The following CSMD1 variants were observed in gnomAD, a reference collection of about 807,000 sequenced individuals.
The protein encoded by CSMD1 is CUB and Sushi multiple domains 1, also known as CUB and sushi domain-containing protein 1.
In CSMD1, 213 loss-of-function variants were observed where a neutral mutation model predicts 417.5. The ratio of observed to expected loss-of-function variants is 0.51; its 90% confidence interval spans 0.46 to 0.57. CSMD1 has a LOEUF of 0.57. Ranked by LOEUF, CSMD1 falls within the 20% of genes least tolerant of loss-of-function variation. CSMD1 has a pLI of 0.00. For synonymous variants in CSMD1, 2,862 were observed against 1,736.8 expected (o/e 1.65, Z -16.11); for missense variants, 6,923 against 4,529.7 (o/e 1.53, Z -15.17).
At chr8:4,320,543 G>A (rs1052668061) in intron 3 of CSMD1, among the ~76,000 whole-genome samples, 2 of 151,652 alleles carry the variant, frequency 1.3e-5, no homozygotes, top group Admixed American at 6.6e-5. Flanking sequence ...AGTGGGTGAT[G>A]TTCCCCTCCC....
chr8:4,050,015 T>G (rs1404021636), intron 3 of CSMD1, among the ~76,000 whole-genome samples: 1 of 152,206 alleles, frequency 6.6e-6, no homozygotes, highest in East Asian at 1.9e-4. Context: ...CCTTGATGGT[T>G]TTCAGAAGTT....
intron 1 of CSMD1, among the ~76,000 whole-genome samples, chr8:4,853,648 C>T (rs1197888138): frequency 6.6e-6 from 1 of 152,218 alleles, no homozygotes; most frequent in Non-Finnish European, 1.5e-5. Context: ...AATGTCCCCA[C>T]TGGAACACTA....
intron 3 of CSMD1, among the ~76,000 whole-genome samples, chr8:4,198,177 G>T (rs192415525): frequency 2.6e-5 from 4 of 152,308 alleles, no homozygotes; most frequent in Admixed American, 2.0e-4. Context: ...ATGATCAGGG[G>T]AGTCATTCCA....
chr8:4,591,737 G>T (rs1162309704), intron 2 of CSMD1, among the ~76,000 whole-genome samples: 1 of 152,172 alleles, frequency 6.6e-6, no homozygotes, highest in Non-Finnish European at 1.5e-5. Flanking sequence ...TTAAAGCAGT[G>T]AAGTGAGGGG....
chr8:4,358,807 G>A (rs545928202), intron 3 of CSMD1, among the ~76,000 whole-genome samples: 1 of 152,082 alleles, frequency 6.6e-6, no homozygotes, highest in Admixed American at 6.6e-5. Context: ...GGGTAAACAA[G>A]TTATAAATCA....
chr8:3,835,448 C>G (rs60420112), intron 5 of CSMD1, among the ~76,000 whole-genome samples: 3 of 152,074 alleles, frequency 2.0e-5, no homozygotes, highest in South Asian at 4.2e-4. Flanking sequence ...AACCATCATT[C>G]TCAGCAAACT....
chr8:3,987,784 G>A (rs913745980), intron 5 of CSMD1, among the ~76,000 whole-genome samples: 5 of 152,188 alleles, frequency 3.3e-5, no homozygotes, highest in Admixed American at 6.5e-5. Context: ...CAGGCTCTGC[G>A]CCACGTCAAG....
chr8:3,731,978 G>C (rs941437147), intron 6 of CSMD1, among the ~76,000 whole-genome samples: 1 of 152,136 alleles, frequency 6.6e-6, no homozygotes, highest in Non-Finnish European at 1.5e-5. Flanking sequence ...GAACTCAGCA[G>C]ATATTTAAAG....
At chr8:3,712,526 C>A (rs1801586012) in intron 6 of CSMD1, among the ~76,000 whole-genome samples, 1 of 152,138 alleles carries the variant, frequency 6.6e-6, no homozygotes, top group Admixed American at 6.5e-5. Context: ...CCTCTTCTTT[C>A]TCCTGAATTA....
chr8:4,040,840 C>G (rs1182951488), intron 3 of CSMD1, among the ~76,000 whole-genome samples: 1 of 151,834 alleles, frequency 6.6e-6, no homozygotes, highest in Non-Finnish European at 1.5e-5. Flanking sequence ...CAGCTCCGGA[C>G]AATCGAAAAA....
chr8:4,122,115 G>C (rs1397893557), intron 3 of CSMD1, among the ~76,000 whole-genome samples: 1 of 151,826 alleles, frequency 6.6e-6, no homozygotes, highest in East Asian at 1.9e-4. Context: ...TATCGTATAG[G>C]ATATCAGAGA....
intron 3 of CSMD1, among the ~76,000 whole-genome samples, chr8:4,290,321 G>A (rs551939663): frequency 6.6e-6 from 1 of 152,300 alleles, no homozygotes; most frequent in East Asian, 1.9e-4. Flanking sequence ...AGATGGTCGT[G>A]TTTGAATTTC....
At chr8:3,496,919 A>G (rs1181898451) in intron 10 of CSMD1, among the ~76,000 whole-genome samples, 2 of 152,218 alleles carry the variant, frequency 1.3e-5, no homozygotes, top group African/African-American at 4.8e-5. Flanking sequence ...ACTCAGGAAC[A>G]TGTTTAATTT....
At chr8:3,946,697 T>TC (rs1811251310) in intron 5 of CSMD1, among the ~76,000 whole-genome samples, 1 of 152,174 alleles carries the variant, frequency 6.6e-6, no homozygotes, top group African/African-American at 2.4e-5. Context: ...CTAGTGTATC[T>TC]CCCCTTTTCA....
intron 5 of CSMD1, among the ~76,000 whole-genome samples, chr8:3,802,553 C>T (rs1160633787): frequency 2.0e-5 from 3 of 152,098 alleles, no homozygotes; most frequent in Admixed American, 2.0e-4. Context: ...AATTTTGCCA[C>T]CTACTTAGTT....
chr8:4,891,685 TTATA>T (rs1804133969), intron 1 of CSMD1, among the ~76,000 whole-genome samples: 1 of 152,066 alleles, frequency 6.6e-6, no homozygotes, highest in African/African-American at 2.4e-5. Flanking sequence ...TCCTAAGGGC[TTATA>T]TTAATGCATA....
chr8:4,695,589 T>G (rs1448258143), intron 1 of CSMD1, among the ~76,000 whole-genome samples: 1 of 152,106 alleles, frequency 6.6e-6, no homozygotes, highest in East Asian at 1.9e-4. Context: ...ATCTGTCCCC[T>G]ATCCCCCCCA....
At chr8:4,803,781 T>C (rs1171713143) in intron 1 of CSMD1, among the ~76,000 whole-genome samples, 17 of 152,218 alleles carry the variant, frequency 1.1e-4, no homozygotes, top group Non-Finnish European at 2.5e-4. Flanking sequence ...ATTTATTTAG[T>C]CCTTCTCTTT....
chr8:4,718,095 C>G (rs78251651), intron 1 of CSMD1, among the ~76,000 whole-genome samples: 6,079 of 152,184 alleles, frequency 0.04, 124 homozygotes, highest in East Asian at 0.082. Flanking sequence ...CTCCCACTTC[C>G]TCAAAGTACC....
Sources: gnomAD v4.1 joint callset for allele counts (sites outside exome capture counted in the v4.1 genomes callset) on GRCh38, gnomAD v4.1.1 for gene constraint, MANE v1.5 for transcripts, NCBI Gene and HGNC (gene_info 2026-07-23, HGNC 2026-07-21) for gene names.